LIPA: variants seen among roughly 807,000 people sequenced by gnomAD.
The protein encoded by LIPA is lipase A, lysosomal acid type.
Under a neutral mutation model 40.6 loss-of-function variants are expected in LIPA, and 26 were observed. That is an observed-to-expected ratio of 0.64 (90% CI 0.47 to 0.89). LIPA has a LOEUF of 0.89. LIPA is among the 40% of genes least tolerant of loss of function. LIPA has a pLI of 0.00. For synonymous variants in LIPA, 188 were observed against 168.4 expected, an observed-to-expected ratio of 1.12 and a Z score of -0.90; for missense variants, 455 against 479.6, an observed-to-expected ratio of 0.95 and a Z score of 0.48.
intron 1 of LIPA, among the ~76,000 whole-genome samples, chr10:89,266,932 C>T (rs573840647): frequency 9.2e-5 from 14 of 152,340 alleles, no homozygotes; most frequent in African/African-American, 2.9e-4. Context: ...ATGCAACATG[C>T]TTTACAAATA....
At chr10:89,299,989 C>A (rs1425655388) in intron 1 of LIPA, among the ~76,000 whole-genome samples, 1 of 152,126 alleles carries the variant, frequency 6.6e-6, no homozygotes, top group East Asian at 1.9e-4. Flanking sequence ...CACCACTATT[C>A]ATAATAGCAA....
intron 1 of LIPA, among the ~76,000 whole-genome samples, chr10:89,259,351 T>A (rs1168035314): frequency 6.6e-6 from 1 of 152,122 alleles, no homozygotes; most frequent in African/African-American, 2.4e-5. Flanking sequence ...CATTAATCAT[T>A]AGGAAAATGC....
intron 2 of LIPA, among the ~76,000 whole-genome samples, chr10:89,375,440 C>A (rs1480979602): frequency 1.3e-5 from 2 of 152,132 alleles, no homozygotes; most frequent in African/African-American, 4.8e-5. Context: ...TCCCATTGGC[C>A]CCAAATATAG....
chr10:89,261,224 C>T (rs1477519871), intron 1 of LIPA, among the ~76,000 whole-genome samples: 2 of 152,200 alleles, frequency 1.3e-5, no homozygotes, highest in African/African-American at 2.4e-5. Context: ...AGATATGCAT[C>T]CTTTGCCAAA....
At chr10:89,248,713 A>C (rs1472613765) in intron 1 of LIPA, among the ~76,000 whole-genome samples, 1 of 146,040 alleles carries the variant, frequency 6.8e-6, no homozygotes, top group Non-Finnish European at 1.5e-5. Flanking sequence ...TCGATCTCCT[A>C]ACCTCGTGAT....
intron 8 of LIPA, 91 bp downstream of exon 8, chr10:89,222,420 G>T: frequency 2.4e-6 from 2 of 831,408 alleles, no homozygotes; most frequent in African/African-American, 3.3e-5. Flanking sequence ...TTTGTAAGCA[G>T]GTTGTCTTTC....
chr10:89,335,545 A>T (rs1384003624), intron 1 of LIPA: 1 of 123,852 alleles, frequency 8.1e-6, no homozygotes, highest in Non-Finnish European at 1.6e-5. Context: ...CTGCCCTCCA[A>T]AAAAAAAAAA....
chr10:89,368,756 G>T (rs536274133), intron 2 of LIPA, among the ~76,000 whole-genome samples: 6 of 152,074 alleles, frequency 3.9e-5, no homozygotes, highest in African/African-American at 1.4e-4. Context: ...TCTGGCCCTG[G>T]CTTGGTGCTA....
At chr10:89,301,995 A>C (rs556167627) in intron 1 of LIPA, 2 of 912,578 alleles carry the variant, frequency 2.2e-6, no homozygotes, top group African/African-American at 3.4e-5. Flanking sequence ...AAACAAACAA[A>C]AAGGAACCAG....
intron 1 of LIPA, chr10:89,284,153 AG>A (rs1399243594): frequency 6.6e-6 from 1 of 152,280 alleles, no homozygotes; most frequent in Non-Finnish European, 1.5e-5. Context: ...CGTCCCTCAT[AG>A]GAGGGGTTGC....
At chr10:89,401,230 C>A (rs1361808708) in intron 2 of LIPA, among the ~76,000 whole-genome samples, 1 of 151,924 alleles carries the variant, frequency 6.6e-6, no homozygotes, top group East Asian at 1.9e-4. Flanking sequence ...GATTCTCCTG[C>A]CTCAGCCTCC....
chr10:89,323,882 T>C (rs542990935), intron 1 of LIPA, among the ~76,000 whole-genome samples: 1 of 152,324 alleles, frequency 6.6e-6, no homozygotes, highest in East Asian at 1.9e-4. Context: ...ATGCTATTCC[T>C]AACAAGCTAC....
intron 2 of LIPA, chr10:89,403,275 GA>G (rs1202143274): frequency 1.2e-6 from 2 of 1,613,880 alleles, no homozygotes; most frequent in South Asian, 1.1e-5. Context: ...ATCTGCAGTG[GA>G]AAAAAAGCCC....
intron 2 of LIPA, among the ~76,000 whole-genome samples, chr10:89,376,711 A>G (rs1381158482): frequency 6.6e-6 from 1 of 152,158 alleles, no homozygotes; most frequent in Non-Finnish European, 1.5e-5. Context: ...AATATGAATG[A>G]CTGCTGCTTC....
intron 1 of LIPA, among the ~76,000 whole-genome samples, chr10:89,312,551 A>G (rs1294129538): frequency 2.0e-5 from 3 of 152,094 alleles, no homozygotes; most frequent in Non-Finnish European, 2.9e-5. Flanking sequence ...GTCAATATCC[A>G]TTACCAATAG....
intron 2 of LIPA, among the ~76,000 whole-genome samples, chr10:89,394,479 G>A (rs919535754): frequency 6.6e-6 from 1 of 151,294 alleles, no homozygotes; most frequent in Admixed American, 6.6e-5. Context: ...GTTTCCCAAA[G>A]GGTGTCAGTG....
chr10:89,352,386 A>G (rs999715199), intron 2 of LIPA, among the ~76,000 whole-genome samples: 2 of 152,196 alleles, frequency 1.3e-5, no homozygotes, highest in African/African-American at 4.8e-5. Context: ...TTTTGTACAT[A>G]TGATTCATGG....
chr10:89,263,071 C>T (rs77253361), intron 1 of LIPA, among the ~76,000 whole-genome samples: 1 of 152,228 alleles, frequency 6.6e-6, no homozygotes, highest in African/African-American at 2.4e-5. Context: ...CCTAGAACTT[C>T]TCTTCACATA....
chr10:89,399,740 T>A (rs1285627939), intron 2 of LIPA, among the ~76,000 whole-genome samples: 1 of 143,090 alleles, frequency 7.0e-6, no homozygotes, highest in Admixed American at 6.9e-5. Context: ...AGTTGAAGCC[T>A]TAACCCTCTT....
Sources: allele counts gnomAD v4.1 joint callset (sites outside exome capture counted in the v4.1 genomes callset), GRCh38; gene constraint gnomAD v4.1.1; transcripts MANE v1.5; gene names NCBI Gene and HGNC (gene_info 2026-07-23, HGNC 2026-07-21).